Variants in NRG3 observed in about 807,000 individuals in gnomAD.
The protein encoded by NRG3 is pro-neuregulin-3, membrane-bound isoform.
NRG3 carries 31 observed loss-of-function variants against 66.9 expected under a neutral mutation model. The observed-to-expected ratio is 0.46, with a 90% CI of 0.35 to 0.63. The LOEUF is 0.63. Ranked by LOEUF, NRG3 falls within the 20% of genes least tolerant of loss-of-function variation. The probability of loss-of-function intolerance (pLI) is 0.00; values close to 1 mark genes in which losing one functional copy is unlikely to be tolerated. For synonymous variants in NRG3, 393 were observed against 359.4 expected (o/e 1.09, Z -1.06); for missense variants, 910 against 878.9 (o/e 1.04, Z -0.45).
intron 4 of NRG3, among the ~76,000 whole-genome samples, chr10:82,915,610 G>A (rs941106452): frequency 6.6e-6 from 1 of 150,714 alleles, no homozygotes; most frequent in Non-Finnish European, 1.5e-5. Context: ...ATACAATTGA[G>A]TGAATTCTTT....
chr10:82,703,232 G>C (rs1025538659), intron 2 of NRG3, among the ~76,000 whole-genome samples: 1 of 151,938 alleles, frequency 6.6e-6, no homozygotes, highest in Non-Finnish European at 1.5e-5. Context: ...ATTTTTAGGG[G>C]GTTCTATGCT....
chr10:82,578,455 G>A (rs1230036401), intron 2 of NRG3, among the ~76,000 whole-genome samples: 6 of 151,112 alleles, frequency 4.0e-5, no homozygotes, highest in African/African-American at 1.5e-4. Flanking sequence ...GTATTGCTGT[G>A]TTACAATAAA....
At chr10:82,303,336 AAC>A (rs144860357) in intron 1 of NRG3, among the ~76,000 whole-genome samples, 18 of 149,158 alleles carry the variant, frequency 1.2e-4, no homozygotes, top group African/African-American at 1.5e-4. Flanking sequence ...TGCGTGTATA[AAC>A]ACACACACAC....
At chr10:82,964,469 G>T (rs747813478) in intron 6 of NRG3, among the ~76,000 whole-genome samples, 6 of 152,130 alleles carry the variant, frequency 3.9e-5, no homozygotes, top group Non-Finnish European at 8.8e-5. Flanking sequence ...TCTGAAGAGG[G>T]TCTCTTTTCA....
chr10:82,231,947 TTTCAAGTTTTTGGC>T (rs1362837871), intron 1 of NRG3, among the ~76,000 whole-genome samples: 1 of 152,234 alleles, frequency 6.6e-6, no homozygotes, highest in Non-Finnish European at 1.5e-5. Flanking sequence ...CAACTTTATC[TTTCAAGTTTTTGGC>T]TACTCACACT....
intron 2 of NRG3, among the ~76,000 whole-genome samples, chr10:82,529,667 C>T (rs896900760): frequency 6.6e-6 from 1 of 152,120 alleles, no homozygotes; most frequent in Non-Finnish European, 1.5e-5. Context: ...CTACATTTAG[C>T]ATCCTCCATG....
intron 2 of NRG3, among the ~76,000 whole-genome samples, chr10:82,530,678 C>G (rs1019110774): frequency 1.3e-5 from 2 of 151,772 alleles, no homozygotes; most frequent in African/African-American, 4.8e-5. Flanking sequence ...TAAAAATTAT[C>G]CCTGCAAAAA....
At chr10:82,453,274 C>T (rs527664074) in intron 2 of NRG3, among the ~76,000 whole-genome samples, 17 of 152,092 alleles carry the variant, frequency 1.1e-4, no homozygotes, top group East Asian at 9.7e-4. Flanking sequence ...ATTAGAAGAG[C>T]GCTCAGGAGC....
chr10:82,298,719 A>G (rs2080219792), intron 1 of NRG3, among the ~76,000 whole-genome samples: 1 of 152,142 alleles, frequency 6.6e-6, no homozygotes, highest in Admixed American at 6.5e-5. Context: ...TTAACATATC[A>G]AAGCCAATGA....
intron 2 of NRG3, among the ~76,000 whole-genome samples, chr10:82,409,457 A>G (rs2087880531): frequency 6.6e-6 from 1 of 150,716 alleles, no homozygotes; most frequent in Admixed American, 6.6e-5. Flanking sequence ...ATGCCCGGAT[A>G]AACAAAGAGT....
chr10:82,238,838 C>G (rs2076870937), intron 1 of NRG3, among the ~76,000 whole-genome samples: 4 of 142,852 alleles, frequency 2.8e-5, no homozygotes, highest in Admixed American at 2.8e-4. Context: ...TTCTAACCTT[C>G]TACCATCATA....
intron 2 of NRG3, among the ~76,000 whole-genome samples, chr10:82,476,471 T>C (rs1841793706): frequency 6.6e-6 from 1 of 152,194 alleles, no homozygotes; most frequent in Non-Finnish European, 1.5e-5. Context: ...CTTTGATGGA[T>C]GAATACATGA....
At chr10:82,559,001 C>G (rs961498632) in intron 2 of NRG3, among the ~76,000 whole-genome samples, 1 of 152,130 alleles carries the variant, frequency 6.6e-6, no homozygotes, top group Admixed American at 6.6e-5. Flanking sequence ...TTATATTACT[C>G]TGAGATAACC....
At chr10:82,687,558 A>G (rs566808673) in intron 2 of NRG3, among the ~76,000 whole-genome samples, 2 of 152,204 alleles carry the variant, frequency 1.3e-5, no homozygotes, top group South Asian at 4.1e-4. Flanking sequence ...GAGAAATTGG[A>G]CTAAATTCTG....
At chr10:82,727,266 C>T (rs192393916) in intron 2 of NRG3, among the ~76,000 whole-genome samples, 1 of 152,276 alleles carries the variant, frequency 6.6e-6, no homozygotes, top group African/African-American at 2.4e-5. Context: ...GGGAAAATGT[C>T]TCCAAGGTAT....
chr10:82,466,694 G>T lies in NRG3; in HGVS notation c.953+107826G>T, dbSNP rs913794778. ...TGGAAATAAGGACACAGCATTAACG[G>T]TCAGGCCAGTACCCAAGAAATTAGA... On this transcript the variant is annotated intron_variant, in intron 2 of 8. Coordinates refer to ENST00000372141, the MANE Select transcript of NRG3 (RefSeq NM_001010848.4). Among the ~76,000 whole-genome samples the T allele has an allele frequency of 2.6e-5, 4 of 152,090 alleles. No individual in the cohort carries two copies. In the South Asian group the frequency reaches 8.3e-4, roughly 32 times the overall value.
chr10:81,880,238 G>T (rs1376881441), intron 1 of NRG3, among the ~76,000 whole-genome samples: 1 of 152,060 alleles, frequency 6.6e-6, no homozygotes, highest in Admixed American at 6.6e-5. Flanking sequence ...GTTTGGACTC[G>T]TTGGTCTCCG....
In NRG3 at chr10:81,925,263, G is replaced by A. The variant is rs143394177; in HGVS notation, c.823+49100G>A. Reference sequence around the variant, plus strand: ...GGAGGCATGATATAGAGGGAATTGAGGCACATGTGGAACCTTTGGTCTAGT... The same window carrying A: ...GGAGGCATGATATAGAGGGAATTGAAGCACATGTGGAACCTTTGGTCTAGT... On this transcript the variant is annotated intron_variant, in intron 1 of 8. Transcript: ENST00000372141. Among the ~76,000 whole-genome samples the A allele has an allele frequency of 3.9e-4, 60 of 152,282 alleles. No homozygotes were observed. In the East Asian group the frequency reaches 0.01, roughly 26 times the overall value.
intron 4 of NRG3, among the ~76,000 whole-genome samples, chr10:82,893,500 C>T (rs1288056530): frequency 1.3e-5 from 2 of 152,044 alleles, no homozygotes; most frequent in East Asian, 3.9e-4. Flanking sequence ...CCACCCTGGC[C>T]AACATGGTGA....
Sources: allele counts gnomAD v4.1 joint callset (sites outside exome capture counted in the v4.1 genomes callset), GRCh38; gene constraint gnomAD v4.1.1; transcripts MANE v1.5; gene names NCBI Gene and HGNC (gene_info 2026-07-23, HGNC 2026-07-21).